The following TRAF3 variants were observed in gnomAD, a reference collection of about 807,000 sequenced individuals.
The protein encoded by TRAF3 is TNF receptor-associated factor 3.
Under a neutral mutation model 62.3 loss-of-function variants are expected in TRAF3, and 13 were observed. The ratio of observed to expected loss-of-function variants is 0.21; its 90% CI spans 0.14 to 0.33. The LOEUF is 0.33. Among genes scored for constraint, TRAF3 ranks in the 10% least tolerant of loss-of-function variants. TRAF3 has a pLI of 1.00. For missense variants in TRAF3, 440 were observed against 741.8 expected (o/e 0.59, Z 4.73); for synonymous variants, 269 against 283.4 (o/e 0.95, Z 0.51).
At chr14:102,887,082 G>T (rs993583360) in intron 7 of TRAF3, among the ~76,000 whole-genome samples, 3 of 152,228 alleles carry the variant, frequency 2.0e-5, no homozygotes, top group African/African-American at 7.2e-5. Flanking sequence ...GAGACAGGTA[G>T]ATTTTGCATT....
Position 102,908,516 on chromosome 14 carries a change from G to A in TRAF3, c.*2732G>A. 1 of 152,398 alleles carries A rather than the reference G, an allele frequency of 6.6e-6. No homozygotes were observed. The highest frequency in any genetic ancestry group is 2.4e-5 in the African/African-American group (1 of 41,540). The allele number at this position is 152,398 out of a possible 1,614,324, so 9.4% of individuals were successfully genotyped here. A position where few individuals can be genotyped will look rare whatever the true frequency, so the allele number is the denominator to read the frequency against. On this transcript the variant is annotated 3_prime_UTR_variant, in exon 12 of 12. Transcript: ENST00000392745. ...GCCTGGGCACCCTCACTTGGCGCTG[G>A]CCACCTGGGCCAGCCTGGGGCCATG...
chr14:102,849,311 C>T (rs762852929), intron 2 of TRAF3, among the ~76,000 whole-genome samples: 6 of 152,240 alleles, frequency 3.9e-5, no homozygotes, highest in African/African-American at 9.6e-5. Context: ...GGGAAGCCTC[C>T]ATCTGGAGAA....
chr14:102,786,706 C>T (rs1300881146), intron 1 of TRAF3, among the ~76,000 whole-genome samples: 2 of 152,082 alleles, frequency 1.3e-5, no homozygotes. Context: ...GAGCCTGTGC[C>T]AGGTGCAGTG....
intron 1 of TRAF3, among the ~76,000 whole-genome samples, chr14:102,807,437 G>T (rs1351633578): frequency 6.6e-6 from 1 of 152,168 alleles, no homozygotes; most frequent in Non-Finnish European, 1.5e-5. Context: ...ATCCCCACAG[G>T]GCTGTGTCCC....
chr14:102,786,867 G>A (rs1258504150), intron 1 of TRAF3, among the ~76,000 whole-genome samples: 1 of 152,274 alleles, frequency 6.6e-6, no homozygotes, highest in East Asian at 1.9e-4. Context: ...GCGTGCTCCT[G>A]TAGTCCCATC....
At chr14:102,789,590 A>G (rs1897688361) in intron 1 of TRAF3, among the ~76,000 whole-genome samples, 1 of 111,768 alleles carries the variant, frequency 8.9e-6, no homozygotes, top group Admixed American at 9.8e-5. Context: ...CTACAAAAGG[A>G]TATATGTGTG....
chr14:102,785,252 C>T (rs952711300), intron 1 of TRAF3, among the ~76,000 whole-genome samples: 4 of 152,178 alleles, frequency 2.6e-5, no homozygotes, highest in Admixed American at 6.5e-5. Context: ...TACTCTAGGC[C>T]GCACTCCGTT....
intron 2 of TRAF3, among the ~76,000 whole-genome samples, chr14:102,831,934 T>C (rs1900717377): frequency 6.6e-6 from 1 of 152,222 alleles, no homozygotes; most frequent in Non-Finnish European, 1.5e-5. Flanking sequence ...ACAAGGCTTC[T>C]AATATATGAG....
chr14:102,897,177 A>G, intron 9 of TRAF3, 84 bp from the exon 10 acceptor site: 1 of 1,309,192 alleles, frequency 7.6e-7, no homozygotes, highest in Non-Finnish European at 1.1e-6. Context: ...CAGAAGGCCT[A>G]TATTGTGAAA....
chr14:102,878,925 A>G (rs1888877661), intron 6 of TRAF3, among the ~76,000 whole-genome samples: 1 of 151,632 alleles, frequency 6.6e-6, no homozygotes, highest in Non-Finnish European at 1.5e-5. Flanking sequence ...CTGAGGGTGG[A>G]GCGGTAGGAT....
At chr14:102,891,585 T>A (rs1889717746) in intron 9 of TRAF3, among the ~76,000 whole-genome samples, 168 bp downstream of exon 9, 1 of 152,214 alleles carries the variant, frequency 6.6e-6, no homozygotes, top group Admixed American at 6.5e-5. Flanking sequence ...GGTGTTTTAT[T>A]TTTGTTATTT....
At chr14:102,901,594 G>A (rs893511464) in intron 10 of TRAF3, among the ~76,000 whole-genome samples, 13 of 152,224 alleles carry the variant, frequency 8.5e-5, no homozygotes, top group African/African-American at 3.1e-4. Flanking sequence ...GTATGATTGT[G>A]TAAAATAAAG....
rs1182362434 is a variant in TRAF3 at position 102,908,011 on chromosome 14, CA to C, written c.*2228del. On this transcript the variant is annotated 3_prime_UTR_variant, in exon 12 of 12. Coordinates refer to ENST00000392745, the MANE Select transcript of TRAF3 (RefSeq NM_145725.3). ...TGCCCTCAGGTAGTTTTCCTGAGGC[CA>C]GGGGTTAACAACAGGGACATCCCTG... 2 of 152,236 alleles carry C rather than the reference CA, an allele frequency of 1.3e-5. No individual in the cohort carries two copies. Among genetic ancestry groups the C allele is most frequent in the Non-Finnish European group, 2.9e-5 (2 of 68,054 alleles). The allele number at this position is 152,236 out of a possible 1,614,324, so 9.4% of individuals were successfully genotyped here.
intron 2 of TRAF3, among the ~76,000 whole-genome samples, chr14:102,850,179 C>A (rs1488458467): frequency 1.3e-5 from 2 of 152,158 alleles, no homozygotes; most frequent in Non-Finnish European, 2.9e-5. Context: ...TCCAGTCCAC[C>A]TCTTTGCTGT....
intron 1 of TRAF3, among the ~76,000 whole-genome samples, chr14:102,804,298 C>T (rs2139479238): frequency 6.6e-6 from 1 of 152,232 alleles, no homozygotes; most frequent in East Asian, 1.9e-4. Context: ...CTGGAGCGTT[C>T]TTCAGATTCC....
chr14:102,790,528 AG>A (rs1389717542), intron 1 of TRAF3, among the ~76,000 whole-genome samples: 2 of 152,194 alleles, frequency 1.3e-5, no homozygotes, highest in Admixed American at 6.6e-5. Flanking sequence ...TGAAAGGCAA[AG>A]AAGGAGGAAA....
At chr14:102,902,920 C>A (rs746114244) in intron 10 of TRAF3, among the ~76,000 whole-genome samples, 1 of 152,224 alleles carries the variant, frequency 6.6e-6, no homozygotes, top group African/African-American at 2.4e-5. Flanking sequence ...GGAGACCTCT[C>A]CCCTGGTCTT....
At chr14:102,822,496 A>G (rs1900046985) in intron 1 of TRAF3, among the ~76,000 whole-genome samples, 1 of 152,218 alleles carries the variant, frequency 6.6e-6, no homozygotes, top group Non-Finnish European at 1.5e-5. Flanking sequence ...AATCAGATCT[A>G]CCAAACTGAA....
At chr14:102,821,141 T>A (rs1417978273) in intron 1 of TRAF3, among the ~76,000 whole-genome samples, 1 of 152,198 alleles carries the variant, frequency 6.6e-6, no homozygotes, top group African/African-American at 2.4e-5. Context: ...TTTCTGTGGC[T>A]TTTGATAAGT....
Sources: allele counts gnomAD v4.1 joint callset (sites outside exome capture counted in the v4.1 genomes callset), GRCh38; gene constraint gnomAD v4.1.1; transcripts MANE v1.5; gene names NCBI Gene and HGNC (gene_info 2026-07-23, HGNC 2026-07-21).